NF1: variants seen among roughly 807,000 people sequenced by gnomAD.
NF1 encodes the protein neurofibromin 1.
NF1 carries 122 observed loss-of-function variants against 325.7 expected under a neutral mutation model. That is an observed-to-expected ratio of 0.37 (90% CI 0.32 to 0.44). The LOEUF (loss-of-function observed/expected upper bound fraction) is 0.44. Ranked by LOEUF, NF1 falls within the 20% of genes least tolerant of loss-of-function variation. The pLI is 1.00. For synonymous variants in NF1, 1,091 were observed against 1,186.0 expected, an observed-to-expected ratio of 0.92 and a Z score of 1.65; for missense variants, 2,140 against 3,415.4, an observed-to-expected ratio of 0.63 and a Z score of 9.31.
chr17:31,119,012 G>T (rs1291845423), intron 1 of NF1, among the ~76,000 whole-genome samples: 3 of 151,588 alleles, frequency 2.0e-5, no homozygotes, highest in Admixed American at 6.6e-5. Flanking sequence ...CATGATCTTG[G>T]CTCACTGCAA....
chr17:31,265,158 A>G (rs2067762822), intron 35 of NF1, 71 bp from the exon 36 acceptor site: 7 of 1,044,632 alleles, frequency 6.7e-6, no homozygotes, highest in Non-Finnish European at 1.0e-5. Flanking sequence ...TTGTTTATCC[A>G]ATTATAGACT....
intron 1 of NF1, among the ~76,000 whole-genome samples, chr17:31,112,551 C>CT (rs1913507499): frequency 6.6e-6 from 1 of 152,142 alleles, no homozygotes; most frequent in Non-Finnish European, 1.5e-5. Context: ...TATTGAGCAT[C>CT]TTTTCATGTG....
chr17:31,295,892 C>T (rs763060514), intron 36 of NF1: 1 of 1,614,106 alleles, frequency 6.2e-7, no homozygotes. Flanking sequence ...AACCTCGAGA[C>T]TTCTTAGTGT....
intron 14 of NF1, among the ~76,000 whole-genome samples, chr17:31,219,632 C>A: frequency 8.1e-6 from 1 of 123,040 alleles, no homozygotes; most frequent in African/African-American, 3.0e-5. Context: ...ATCCCTCCCC[C>A]CTCCCCCCTA....
chr17:31,113,738 C>T (rs902431919), intron 1 of NF1, among the ~76,000 whole-genome samples: 3 of 152,172 alleles, frequency 2.0e-5, no homozygotes, highest in Admixed American at 1.3e-4. Context: ...CCAGGCTGGT[C>T]TCAAACTCCT....
At chr17:31,365,169 C>G (rs2070485898) in intron 57 of NF1, among the ~76,000 whole-genome samples, 1 of 150,378 alleles carries the variant, frequency 6.6e-6, no homozygotes, top group Non-Finnish European at 1.5e-5. Flanking sequence ...TTTGTAGTCC[C>G]AGCTACTTGG....
intron 36 of NF1, among the ~76,000 whole-genome samples, chr17:31,298,195 A>C (rs2068504973): frequency 6.6e-6 from 1 of 152,156 alleles, no homozygotes; most frequent in South Asian, 2.1e-4. Flanking sequence ...ACATGAAATG[A>C]TATAAAAGGA....
At chr17:31,367,559 A>G (rs2070550144) in intron 57 of NF1, among the ~76,000 whole-genome samples, 1 of 152,156 alleles carries the variant, frequency 6.6e-6, no homozygotes, top group African/African-American at 2.4e-5. Context: ...TAAGAAACTC[A>G]AGAGAGAGTT....
Position 31,374,170 on chromosome 17 carries a change from CT to C in NF1, c.*21del, listed in dbSNP as rs1381460536. 3 of 1,613,792 alleles carry C rather than the reference CT, an allele frequency of 1.9e-6. No homozygotes were observed. The highest frequency in any genetic ancestry group is 2.7e-5 in the African/African-American group (2 of 74,888). On this transcript the variant is annotated 3_prime_UTR_variant, in exon 58 of 58. Coordinates refer to ENST00000358273, the MANE Select transcript of NF1 (RefSeq NM_001042492.3). ...AGATCGTGTGAAGCTTGCTTGCTTTCTTTTTTAAAATCAACTTAACATGGGC... is the reference window on the plus strand; with the variant it reads ...AGATCGTGTGAAGCTTGCTTGCTTTCTTTTTAAAATCAACTTAACATGGGC...
At chr17:31,356,891 A>G in intron 52 of NF1, 69 bp from the exon 53 acceptor site, 11 of 1,593,092 alleles carry the variant, frequency 6.9e-6, no homozygotes, top group Non-Finnish European at 9.4e-6. Flanking sequence ...TTTTAGAAGT[A>G]ACATTGAAAT....
intron 1 of NF1, chr17:31,133,694 T>A (rs1220846678): frequency 2.0e-5 from 3 of 152,278 alleles, no homozygotes; most frequent in African/African-American, 7.2e-5. Context: ...TCTCACTCTG[T>A]TGCCCAGGCT....
At chr17:31,262,946 G>A (rs2067710152) in intron 35 of NF1, among the ~76,000 whole-genome samples, 1 of 152,096 alleles carries the variant, frequency 6.6e-6, no homozygotes, top group Non-Finnish European at 1.5e-5. Flanking sequence ...ATTTTGAGAG[G>A]CCAAGGTGAG....
chr17:31,288,760 C>T (rs2068292104), intron 36 of NF1, among the ~76,000 whole-genome samples: 1 of 152,030 alleles, frequency 6.6e-6, no homozygotes, highest in African/African-American at 2.4e-5. Flanking sequence ...AACTCCTGAC[C>T]TCAAGTGATC....
At position 31,229,281 on chromosome 17, in the gene NF1, C is replaced by A. The variant is rs369912079; in HGVS notation, c.2666C>A (p.Thr889Lys). Residue 889 changes from threonine (T) to lysine (K), a missense_variant, in exon 21 of 58, where the codon ACA (threonine) becomes AAA (lysine). This residue lies in a region of NF1 where 380 missense variants were observed against 639.3 expected (regional missense o/e 0.59). Coordinates refer to ENST00000358273, the MANE Select transcript of NF1 (RefSeq NM_001042492.3). ...SVMSSEGNAD[T>K]PVSKFMDRLL... ...ATGTCTTCAGAGGGAAACGCAGATACACCTGTCAGCAAATTTATGGATCGG... is the reference window on the plus strand; with the variant it reads ...ATGTCTTCAGAGGGAAACGCAGATAAACCTGTCAGCAAATTTATGGATCGG... 2 of 1,613,776 alleles carry A rather than the reference C, an allele frequency of 1.2e-6. No homozygotes were observed. Among genetic ancestry groups the A allele is most frequent in the Admixed American group, 3.3e-5 (2 of 60,016 alleles).
intron 3 of NF1, among the ~76,000 whole-genome samples, chr17:31,160,832 T>C (rs1227103260): frequency 6.6e-6 from 1 of 152,216 alleles, no homozygotes; most frequent in African/African-American, 2.4e-5. Flanking sequence ...TTAATACTCT[T>C]TGAAGATAGC....
chr17:31,099,821 A>C lies in NF1; in HGVS notation c.60+4452A>C, dbSNP rs542331534. 7.9e-5 allele frequency among the ~76,000 whole-genome samples: 12 copies of C among 152,176 alleles called. No homozygotes were observed. The South Asian group carries it at 2.3e-3, about 29-fold the overall frequency. ...GGTGATCCACCTGCCTTGGCCTCCC[A>C]AAGTGCTGGGATTACAGGCGTGAGC... On this transcript the variant is annotated intron_variant, in intron 1 of 57. Coordinates refer to ENST00000358273, the MANE Select transcript of NF1 (RefSeq NM_001042492.3).
intron 12 of NF1, among the ~76,000 whole-genome samples, chr17:31,209,259 C>A (rs2066679330): frequency 6.6e-6 from 1 of 152,180 alleles, no homozygotes; most frequent in Admixed American, 6.5e-5. Flanking sequence ...ATTTGTATTG[C>A]CTCAAATGAT....
rs369986618 is a variant in NF1 at position 31,236,167 on chromosome 17, G to A, written c.3974+146G>A. On this transcript the variant is annotated intron_variant, in intron 29 of 57. Transcript: ENST00000358273. ...TTATAAAAGTTATATACAAATACAC[G>A]TTTCTTTAATGATATCTGTAATTTT... The A allele has an allele frequency of 1.2e-4, 79 of 633,600 alleles. 1 individual carries two copies. The highest frequency in any genetic ancestry group is 1.0e-3 in the East Asian group (36 of 35,598). The allele number at this position is 633,600 out of a possible 1,614,324, so 39.2% of individuals were successfully genotyped here.
At chr17:31,338,963 A>C (rs1290935925) in intron 46 of NF1, among the ~76,000 whole-genome samples, 158 bp downstream of exon 46, 1 of 152,238 alleles carries the variant, frequency 6.6e-6, no homozygotes, top group African/African-American at 2.4e-5. Context: ...TGTTTGAAGT[A>C]GTCATATTAG....
Sources: gnomAD v4.1 joint callset for allele counts (sites outside exome capture counted in the v4.1 genomes callset) on GRCh38, gnomAD v4.1.1 for gene constraint, gnomAD v4.1.1 regional missense constraint, MANE v1.5 for transcripts, NCBI Gene and HGNC (gene_info 2026-07-23, HGNC 2026-07-21) for gene names.